Variants in DPP6 observed in about 807,000 individuals in gnomAD.
DPP6 encodes the protein dipeptidyl peptidase like 6, also known as A-type potassium channel modulatory protein DPP6.
DPP6 carries 69 observed loss-of-function variants against 122.6 expected under a neutral mutation model. The ratio of observed to expected loss-of-function variants is 0.56; its 90% CI spans 0.46 to 0.69. The LOEUF is 0.69. Ranked by LOEUF, DPP6 falls within the 30% of genes least tolerant of loss-of-function variation. DPP6 has a pLI of 0.00. For synonymous variants in DPP6, 418 were observed against 433.1 expected (o/e 0.97, Z 0.43); for missense variants, 928 against 1,116.9 (o/e 0.83, Z 2.41).
At chr7:153,948,445 C>T (rs1169820362) in intron 1 of DPP6, among the ~76,000 whole-genome samples, 1 of 151,922 alleles carries the variant, frequency 6.6e-6, no homozygotes. Flanking sequence ...ACAGGAAAAC[C>T]AGCAAGCCCA....
At position 154,481,096 on chromosome 7, in the gene DPP6, T is replaced by C. The variant is rs1372544747; in HGVS notation, c.457+6059T>C. On this transcript the variant is annotated intron_variant, in intron 3 of 25. Transcript: ENST00000377770. This position sits in a 1 kb window ranked among gnomAD's most constrained non-coding sequence, Gnocchi z 4.2. ...CAGCAGCAGCAGGAAGGACCGAGGC[T>C]CTACTCCGGCACCTCAGGTACTAGC... Among the ~76,000 whole-genome samples the C allele has an allele frequency of 6.6e-6, 1 of 152,016 alleles. No individual in the cohort carries two copies. Among genetic ancestry groups the C allele is most frequent in the Non-Finnish European group, 1.5e-5 (1 of 68,022 alleles).
At chr7:154,144,132 G>C (rs1795977315) in intron 1 of DPP6, among the ~76,000 whole-genome samples, 1 of 151,994 alleles carries the variant, frequency 6.6e-6, no homozygotes, top group Non-Finnish European at 1.5e-5. Flanking sequence ...TGCATTTTTT[G>C]ATTACTTACT....
chr7:154,614,312 G>T (rs4246091), intron 5 of DPP6, among the ~76,000 whole-genome samples: 61,245 of 152,080 alleles, frequency 0.4, 13,358 homozygotes, highest in East Asian at 0.64. Context: ...GGAGTTAGAG[G>T]CTATTTTAAT....
In DPP6 at chr7:154,760,742, T is replaced by G. The variant is rs1400482801; in HGVS notation, c.884-8675T>G. Among the ~76,000 whole-genome samples, 1 of 151,780 alleles carries G rather than the reference T, an allele frequency of 6.6e-6. No individual in the cohort carries two copies. On this transcript the variant is annotated intron_variant, in intron 8 of 25. Coordinates refer to ENST00000377770, the MANE Select transcript of DPP6 (RefSeq NM_130797.4). The surrounding 1 kb of genome is among the most constrained non-coding windows in gnomAD (Gnocchi z 4.5). ...CAGAAGTTCTGGAAGCTCCCTCAGGTGCCCACAACACAAATGAAGAGGAAA... is the reference window on the plus strand; with the variant it reads ...CAGAAGTTCTGGAAGCTCCCTCAGGGGCCCACAACACAAATGAAGAGGAAA...
Position 154,245,635 on chromosome 7 carries a change from C to CAAAAAAAAAAA in DPP6, c.243+192579_243+192589dup, listed in dbSNP as rs71182888. Among the ~76,000 whole-genome samples, 562 of 100,550 alleles carry CAAAAAAAAAAA rather than the reference C, an allele frequency of 5.6e-3. 11 individuals are homozygous for CAAAAAAAAAAA. The highest frequency in any genetic ancestry group is 6.9e-3 in the Non-Finnish European group (352 of 50,884). 66.0% of individuals were successfully genotyped at this position (100,550 alleles called of 152,430 possible). On this transcript the variant is annotated intron_variant, in intron 1 of 25. Transcript: ENST00000377770. Reference sequence around the variant, plus strand: ...CTGGGCAACAAGAGTAAGACTGTCTCAAAAAAAAAAAAAAAAAGCTATGGC... The same window carrying CAAAAAAAAAAA: ...CTGGGCAACAAGAGTAAGACTGTCTCAAAAAAAAAAAAAAAAAAAAAAAAAAAAGCTATGGC...
At chr7:154,726,814 C>T (rs1402509399) in intron 7 of DPP6, among the ~76,000 whole-genome samples, 3 of 152,170 alleles carry the variant, frequency 2.0e-5, no homozygotes, top group Non-Finnish European at 4.4e-5. Flanking sequence ...AATATAAATT[C>T]CAGTTTCCAA....
chr7:154,353,243 A>T (rs1811015129), intron 1 of DPP6, among the ~76,000 whole-genome samples: 1 of 152,232 alleles, frequency 6.6e-6, no homozygotes, highest in Admixed American at 6.5e-5. Context: ...TGAAACTTTC[A>T]ATAAAGCTTC....
chr7:154,020,098 TCACACACACACAAACA>T (rs903489864), intron 1 of DPP6, among the ~76,000 whole-genome samples: 1 of 148,050 alleles, frequency 6.8e-6, no homozygotes, highest in Non-Finnish European at 1.5e-5. Context: ...TTCCAGAATT[TCACACACACACAAACA>T]CACACACACA....
intron 1 of DPP6, among the ~76,000 whole-genome samples, chr7:154,285,359 G>C (rs1804781073): frequency 6.6e-6 from 1 of 152,082 alleles, no homozygotes; most frequent in African/African-American, 2.4e-5. Context: ...CCACCTCCCA[G>C]GTTCAAGCGA....
chr7:154,314,001 C>A (rs1328406565), intron 1 of DPP6, among the ~76,000 whole-genome samples: 1 of 151,930 alleles, frequency 6.6e-6, no homozygotes, highest in Non-Finnish European at 1.5e-5. Flanking sequence ...AACCATGAAG[C>A]TGTAACAACG....
chr7:154,346,307 C>CT (rs1206623596), intron 1 of DPP6, among the ~76,000 whole-genome samples: 4 of 151,632 alleles, frequency 2.6e-5, no homozygotes, highest in Admixed American at 1.3e-4. Context: ...TTTCATCTTT[C>CT]TTTTTTTTTC....
At chr7:153,923,280 A>G (rs898162001) in intron 1 of DPP6, among the ~76,000 whole-genome samples, 1 of 152,246 alleles carries the variant, frequency 6.6e-6, no homozygotes, top group Non-Finnish European at 1.5e-5. Flanking sequence ...CAAGGTGAAC[A>G]TAACATCCAT....
At chr7:154,057,896 A>T (rs1359757463) in intron 1 of DPP6, 1 of 149,000 alleles carries the variant, frequency 6.7e-6, no homozygotes, top group Non-Finnish European at 1.5e-5. Flanking sequence ...ACGTCTCTAA[A>T]CAACTAGACA....
intron 17 of DPP6, among the ~76,000 whole-genome samples, chr7:154,861,344 TATTTA>T (rs1187355302): frequency 6.6e-6 from 1 of 152,260 alleles, no homozygotes; most frequent in African/African-American, 2.4e-5. Context: ...GTTTTTAGCA[TATTTA>T]TTTTAAAATA....
At chr7:154,060,515 G>A (rs1379603497) in intron 1 of DPP6, among the ~76,000 whole-genome samples, 1 of 140,024 alleles carries the variant, frequency 7.1e-6, no homozygotes, top group Non-Finnish European at 1.5e-5. Context: ...CCCACCTGGA[G>A]GACTGCGGGT....
At chr7:153,845,936 TTTAA>T in the DPP6 span, among the ~76,000 whole-genome samples, 1 of 152,236 alleles carries the variant, frequency 6.6e-6, no homozygotes, top group Non-Finnish European at 1.5e-5. Flanking sequence ...TTTTGGATTA[TTTAA>T]TTATTTTGAT....
At chr7:154,134,633 G>C (rs1187793058) in intron 1 of DPP6, among the ~76,000 whole-genome samples, 1 of 152,150 alleles carries the variant, frequency 6.6e-6, no homozygotes, top group Non-Finnish European at 1.5e-5. Context: ...ATCTGGCCCT[G>C]CATGCTTCCT....
At chr7:154,347,958 G>A (rs1338836189) in intron 1 of DPP6, among the ~76,000 whole-genome samples, 2 of 152,188 alleles carry the variant, frequency 1.3e-5, no homozygotes, top group African/African-American at 4.8e-5. Context: ...GACAAGAGGT[G>A]GCTTTGAAAA....
chr7:154,160,005 G>A (rs1158497073), intron 1 of DPP6, among the ~76,000 whole-genome samples: 1 of 152,242 alleles, frequency 6.6e-6, no homozygotes, highest in Non-Finnish European at 1.5e-5. Flanking sequence ...CCCTACTTGG[G>A]AGGCTGAGGT....
Sources: allele counts gnomAD v4.1 joint callset (sites outside exome capture counted in the v4.1 genomes callset), GRCh38; gene constraint gnomAD v4.1.1; non-coding constraint Gnocchi (gnomAD v3.1); transcripts MANE v1.5; gene names NCBI Gene and HGNC (gene_info 2026-07-23, HGNC 2026-07-21).